PID1: variants seen among roughly 807,000 people sequenced by gnomAD.
PID1 encodes the protein phosphotyrosine interaction domain containing 1, also known as PTB-containing, cubilin and LRP1-interacting protein.
A neutral mutation model predicts 19.1 loss-of-function variants in PID1; 10 were observed. The ratio of observed to expected loss-of-function variants is 0.52; its 90% CI spans 0.32 to 0.89. PID1 has a LOEUF of 0.89. PID1 is among the 40% of genes least tolerant of loss of function. The pLI, the probability that PID1 is intolerant of heterozygous loss-of-function variation, is 0.03. For synonymous variants in PID1, 130 were observed against 116.0 expected, an observed-to-expected ratio of 1.12 and a Z score of -0.78; for missense variants, 248 against 285.3, an observed-to-expected ratio of 0.87 and a Z score of 0.94.
intron 2 of PID1, among the ~76,000 whole-genome samples, chr2:229,085,265 T>C (rs1056031692): frequency 1.3e-5 from 2 of 151,612 alleles, no homozygotes; most frequent in Non-Finnish European, 2.9e-5. Context: ...ATTGTCTTCA[T>C]GCAAATGAGG....
intron 1 of PID1, among the ~76,000 whole-genome samples, chr2:229,182,941 C>G (rs1690978049): frequency 6.6e-6 from 1 of 152,194 alleles, no homozygotes; most frequent in South Asian, 2.1e-4. Context: ...CTCCTCTTCC[C>G]CATTCTCATT....
intron 2 of PID1, among the ~76,000 whole-genome samples, chr2:229,147,935 G>T (rs1283679601): frequency 6.6e-6 from 1 of 152,096 alleles, no homozygotes; most frequent in Non-Finnish European, 1.5e-5. Flanking sequence ...AAGCTTTCAG[G>T]GATCTCCAGA....
intron 2 of PID1, among the ~76,000 whole-genome samples, chr2:229,128,803 A>G (rs192939745): frequency 6.6e-6 from 1 of 152,362 alleles, no homozygotes; most frequent in African/African-American, 2.4e-5. Flanking sequence ...AAAAAAATAG[A>G]AAGAGTAAAA....
intron 2 of PID1, among the ~76,000 whole-genome samples, chr2:229,072,712 T>C (rs149441126): frequency 1.7e-3 from 254 of 152,342 alleles, no homozygotes; most frequent in African/African-American, 5.7e-3. Context: ...TATTGTTACG[T>C]ATTTGGCAGT....
At chr2:229,210,548 A>AC (rs1559286712) in intron 1 of PID1, among the ~76,000 whole-genome samples, 5 of 148,468 alleles carry the variant, frequency 3.4e-5, no homozygotes, top group East Asian at 2.0e-4. Context: ...AAAAAAAAAA[A>AC]AAAAAACAAC....
chr2:229,096,351 T>C (rs1282126829), intron 2 of PID1, among the ~76,000 whole-genome samples: 2 of 152,174 alleles, frequency 1.3e-5, no homozygotes, highest in Non-Finnish European at 2.9e-5. Context: ...AGTGCCAGCA[T>C]TAGTCTAAGT....
At chr2:229,126,609 G>A (rs1574649687) in intron 2 of PID1, among the ~76,000 whole-genome samples, 1 of 152,292 alleles carries the variant, frequency 6.6e-6, no homozygotes, top group East Asian at 1.9e-4. Context: ...TACTGATAAA[G>A]GGATTTAATG....
chr2:229,183,899 T>TCCC (rs1467542527), intron 1 of PID1, among the ~76,000 whole-genome samples: 1 of 2,048 alleles, frequency 4.9e-4, no homozygotes. Context: ...TATATATATA[T>TCCC]ATATATATAT....
chr2:229,270,995 G>GC lies in PID1; in HGVS notation c.30+18dup, dbSNP rs67686611. On this transcript the variant is annotated intron_variant, in intron 1 of 2. Coordinates refer to ENST00000392055, the MANE Select transcript of PID1 (RefSeq NM_001100818.2). ...ACCTCCTCCTCCAGGCTGGCCCCCG[G>GC]CTCCCGGGTGCCCCTTACCTGCAGG... 1 allele frequency: 1,536,206 copies of GC among 1,536,364 alleles called. 768,024 individuals carry two copies. The highest frequency in any genetic ancestry group is 1 in the Middle Eastern group (5,340 of 5,340).
intron 1 of PID1, among the ~76,000 whole-genome samples, chr2:229,189,736 T>C (rs1469552859): frequency 1.3e-5 from 2 of 152,108 alleles, no homozygotes; most frequent in Non-Finnish European, 2.9e-5. Flanking sequence ...CATAGTTGAC[T>C]GTTGATAATA....
chr2:229,249,377 C>CA lies in PID1; in HGVS notation c.30+21636dup, dbSNP rs556809268. Reference sequence around the variant, plus strand: ...TCTTCTCTTAGCATGCTCATTATGCCACTCTATCTCTTACCTTTCCATCCA... The same window carrying CA: ...TCTTCTCTTAGCATGCTCATTATGCCAACTCTATCTCTTACCTTTCCATCCA... On this transcript the variant is annotated intron_variant, in intron 1 of 2. Transcript: ENST00000392055. Among the ~76,000 whole-genome samples, 501 of 152,244 alleles carry CA rather than the reference C, an allele frequency of 3.3e-3. 5 individuals carry two copies. The highest frequency in any genetic ancestry group is 0.012 in the African/African-American group (481 of 41,548).
At chr2:229,104,056 T>C (rs1695125159) in intron 2 of PID1, among the ~76,000 whole-genome samples, 1 of 152,244 alleles carries the variant, frequency 6.6e-6, no homozygotes, top group African/African-American at 2.4e-5. Flanking sequence ...CAAGTAATTC[T>C]ACCTTAGCTG....
At chr2:229,131,538 T>C (rs148882014) in intron 2 of PID1, among the ~76,000 whole-genome samples, 228 of 152,276 alleles carry the variant, frequency 1.5e-3, no homozygotes, top group African/African-American at 5.3e-3. Context: ...GCCACATTTT[T>C]CTATGAGAAC....
At chr2:229,173,117 C>A (rs2106211138) in intron 1 of PID1, among the ~76,000 whole-genome samples, 1 of 152,276 alleles carries the variant, frequency 6.6e-6, no homozygotes, top group East Asian at 1.9e-4. Context: ...CATGAGTCCA[C>A]CTCAGCATAG....
intron 1 of PID1, among the ~76,000 whole-genome samples, chr2:229,182,777 T>C (rs1690974234): frequency 2.6e-5 from 4 of 152,214 alleles, no homozygotes. Context: ...CTGATCAAGT[T>C]GTGGATCTAT....
At chr2:229,253,614 C>G (rs1690211170) in intron 1 of PID1, among the ~76,000 whole-genome samples, 1 of 148,186 alleles carries the variant, frequency 6.7e-6, no homozygotes, top group Non-Finnish European at 1.5e-5. Flanking sequence ...AAAAAAATTG[C>G]ACCCTTTCTC....
At chr2:229,254,890 T>C (rs1428798047) in intron 1 of PID1, among the ~76,000 whole-genome samples, 8 of 152,198 alleles carry the variant, frequency 5.3e-5, no homozygotes, top group Admixed American at 5.2e-4. Context: ...ACCATCCCTT[T>C]CATTTTCTGC....
intron 1 of PID1, among the ~76,000 whole-genome samples, chr2:229,170,815 C>T (rs1690697300): frequency 6.6e-6 from 1 of 152,156 alleles, no homozygotes; most frequent in African/African-American, 2.4e-5. Context: ...AAACCAAGTG[C>T]AGAGGGAGAA....
intron 2 of PID1, among the ~76,000 whole-genome samples, chr2:229,064,766 TG>T (rs772605514): frequency 6.6e-6 from 1 of 152,136 alleles, no homozygotes; most frequent in Non-Finnish European, 1.5e-5. Flanking sequence ...TCATGGAACA[TG>T]ATCATACTGG....
Sources: gnomAD v4.1 joint callset for allele counts (sites outside exome capture counted in the v4.1 genomes callset) on GRCh38, gnomAD v4.1.1 for gene constraint, MANE v1.5 for transcripts, NCBI Gene and HGNC (gene_info 2026-07-23, HGNC 2026-07-21) for gene names.